Variants in SNRNP35 observed in about 807,000 individuals in gnomAD.
SNRNP35 encodes the protein U11/U12 small nuclear ribonucleoprotein 35 kDa protein.
SNRNP35 carries 16 observed loss-of-function variants against 24.3 expected under a neutral mutation model. The observed-to-expected ratio is 0.66, with a 90% CI of 0.45 to 1.00. SNRNP35 has a LOEUF of 1.00. SNRNP35 is among the 50% of genes least tolerant of loss of function. The probability of loss-of-function intolerance (pLI) is 0.00; values close to 1 mark genes in which losing one functional copy is unlikely to be tolerated. For synonymous variants in SNRNP35, 106 were observed against 124.8 expected (o/e 0.85, Z 1.00); for missense variants, 292 against 327.2 (o/e 0.89, Z 0.83).
At chr12:123,463,473 G>A (rs1393830401) in intron 1 of SNRNP35, among the ~76,000 whole-genome samples, 1 of 151,746 alleles carries the variant, frequency 6.6e-6, no homozygotes, top group Non-Finnish European at 1.5e-5. Flanking sequence ...CGCCTCCTGG[G>A]TTCAAGCAAT....
chr12:123,461,385 C>G (rs1277005931), intron 1 of SNRNP35, among the ~76,000 whole-genome samples: 1 of 151,592 alleles, frequency 6.6e-6, no homozygotes, highest in African/African-American at 2.4e-5. Context: ...CTCGGCCTCC[C>G]AAAGTGCTGG....
At position 123,466,576 on chromosome 12, in the gene SNRNP35, TCTCA is replaced by T. The variant is rs1880996367; in HGVS notation, c.*299_*302del. 4.7e-6 allele frequency: 1 copy of T among 213,604 alleles called. No individual in the cohort carries two copies. Among genetic ancestry groups the T allele is most frequent in the Non-Finnish European group, 9.1e-6 (1 of 109,878 alleles). 13.2% of individuals were successfully genotyped at this position (213,604 alleles called of 1,614,324 possible). A position where few individuals can be genotyped will look rare whatever the true frequency, so the allele number is the denominator to read the frequency against. On this transcript the variant is annotated 3_prime_UTR_variant, in exon 2 of 2. Transcript: ENST00000526639. The stretch of plus-strand genomic sequence containing the variant: ...TCTTTTTTTTTTTTTTGAGACAGAG[TCTCA>T]CTCTGTTGCCAGGGCTGGAGTGCAG...
In SNRNP35 at chr12:123,466,436, G is replaced by T. The variant is rs1459125498; in HGVS notation, c.*155G>T. On this transcript the variant is annotated 3_prime_UTR_variant, in exon 2 of 2. Transcript: ENST00000526639. Reference sequence around the variant, plus strand: ...TTTCCAATCTGGAACTTCGGTTCAAGCTGATAGGAATTTATCATCTTCCTC... The same window carrying T: ...TTTCCAATCTGGAACTTCGGTTCAATCTGATAGGAATTTATCATCTTCCTC... The T allele has an allele frequency of 4.1e-6, 3 of 734,218 alleles. No individual in the cohort carries two copies. The highest frequency in any genetic ancestry group is 1.8e-5 in the African/African-American group (1 of 56,298). The allele number at this position is 734,218 out of a possible 1,614,324, so 45.5% of individuals were successfully genotyped here.
At chr12:123,469,100 C>T (rs1881077598), downstream of SNRNP35, among the ~76,000 whole-genome samples, 1 of 152,202 alleles carries the variant, frequency 6.6e-6, no homozygotes, top group Non-Finnish European at 1.5e-5. Flanking sequence ...AAAAATGTCT[C>T]CAGACTGCCA....
At chr12:123,468,915 T>C (rs1458444018), downstream of SNRNP35, among the ~76,000 whole-genome samples, 1 of 152,182 alleles carries the variant, frequency 6.6e-6, no homozygotes, top group Non-Finnish European at 1.5e-5. Flanking sequence ...TGCAACACTT[T>C]TTGAGAGTAA....
chr12:123,464,508 C>T (rs1029300836), intron 1 of SNRNP35: 3 of 152,262 alleles, frequency 2.0e-5, no homozygotes, highest in Non-Finnish European at 2.9e-5. Context: ...TCCCAAAGTG[C>T]TGGGATTACA....
At chr12:123,458,612 T>G (rs1451650621) in intron 1 of SNRNP35, among the ~76,000 whole-genome samples, 1 of 151,032 alleles carries the variant, frequency 6.6e-6, no homozygotes, top group East Asian at 1.9e-4. Flanking sequence ...TTTTTTTCCT[T>G]TTTGAGACAG....
chr12:123,468,384 A>T (rs574345959), downstream of SNRNP35, among the ~76,000 whole-genome samples: 515 of 150,346 alleles, frequency 3.4e-3, 4 homozygotes, highest in African/African-American at 0.012. Flanking sequence ...AAGAAAAGAA[A>T]AAAAGAAAAC....
rs1301344967 is a variant in SNRNP35 at position 123,466,204 on chromosome 12, G to A, written c.664G>A (p.Asp222Asn). ...QEREPTRVWP[D>N]NDWERERDFR... is the part of the protein sequence containing the mutation. ...AAGAGAGCCGACCAGGGTGTGGCCCGACAATGACTGGGAGAGAGAGAGGGA... is the reference window on the plus strand; with the variant it reads ...AAGAGAGCCGACCAGGGTGTGGCCCAACAATGACTGGGAGAGAGAGAGGGA... The change falls in exon 2 of 2, where the codon GAC becomes AAC. Residue 222 changes from aspartate to asparagine, a missense_variant. Asp to Asn is a conservative substitution (Grantham distance 23, BLOSUM62 1). Coordinates refer to ENST00000526639, the MANE Select transcript of SNRNP35 (RefSeq NM_022717.4). The A allele has an allele frequency of 1.9e-6, 3 of 1,580,744 alleles. No homozygotes were observed. Among genetic ancestry groups the A allele is most frequent in the Non-Finnish European group, 1.7e-6 (2 of 1,166,654 alleles).
chr12:123,468,701 C>CA, downstream of SNRNP35, among the ~76,000 whole-genome samples: 1 of 151,858 alleles, frequency 6.6e-6, no homozygotes, highest in South Asian at 2.1e-4. Context: ...AAACAAAAAA[C>CA]AAAAAACTTG....
chr12:123,463,914 C>G (rs1446420122), intron 1 of SNRNP35, among the ~76,000 whole-genome samples: 2 of 150,108 alleles, frequency 1.3e-5, no homozygotes, highest in African/African-American at 2.5e-5. Context: ...AGGCGCCCAC[C>G]TACCTCGCCT....
At chr12:123,468,358 C>CAA (rs62816460), downstream of SNRNP35, among the ~76,000 whole-genome samples, 24,802 of 91,742 alleles carry the variant, frequency 0.27, 4,431 homozygotes, top group African/African-American at 0.5. Context: ...GACTCTGTCT[C>CAA]AAAAAAAAAA....
rs560859449 is a variant in SNRNP35, at chr12:123,466,347, A to T, written c.*66A>T. 6 of 1,450,498 alleles carry T rather than the reference A, an allele frequency of 4.1e-6. No homozygotes were observed. Among genetic ancestry groups the T allele is most frequent in the Non-Finnish European group, 5.5e-6 (6 of 1,083,110 alleles). The allele number at this position is 1,450,498 out of a possible 1,614,324, so 89.9% of individuals were successfully genotyped here. Reference sequence around the variant, plus strand: ...ATGAGTGGAGGGGGATTGTCTTTCAACGCAGCGTGAGTCTAATGGTTGAAT... The same window carrying T: ...ATGAGTGGAGGGGGATTGTCTTTCATCGCAGCGTGAGTCTAATGGTTGAAT... On this transcript the variant is annotated 3_prime_UTR_variant, in exon 2 of 2. Coordinates refer to ENST00000526639, the MANE Select transcript of SNRNP35 (RefSeq NM_022717.4).
intron 1 of SNRNP35, chr12:123,460,014 T>G: frequency 2.8e-6 from 2 of 711,806 alleles, no homozygotes; most frequent in Admixed American, 2.3e-5. Flanking sequence ...ACAGGAGCTC[T>G]GTGTACAATA....
chr12:123,463,506 T>A (rs1880749596), intron 1 of SNRNP35, among the ~76,000 whole-genome samples: 1 of 151,272 alleles, frequency 6.6e-6, no homozygotes, highest in Non-Finnish European at 1.5e-5. Flanking sequence ...ACCTCCCGAG[T>A]AGCTGCGACT....
chr12:123,467,964 A>G (rs546001841), downstream of SNRNP35, among the ~76,000 whole-genome samples: 1 of 152,316 alleles, frequency 6.6e-6, no homozygotes, highest in Non-Finnish European at 1.5e-5. Context: ...GACTGCCTGC[A>G]TTAGGGAAGC....
At chr12:123,463,512 C>T (rs746528500) in intron 1 of SNRNP35, among the ~76,000 whole-genome samples, 2 of 145,874 alleles carry the variant, frequency 1.4e-5, no homozygotes, top group Admixed American at 1.4e-4. Context: ...CGAGTAGCTG[C>T]GACTACAGGC....
chr12:123,464,553 T>C (rs1166733720), intron 1 of SNRNP35: 1 of 152,240 alleles, frequency 6.6e-6, no homozygotes, highest in Non-Finnish European at 1.5e-5. Flanking sequence ...CAGCCAAGGT[T>C]TTTAAGTAAC....
At chr12:123,472,415 G>A (rs2139298912) in exon 2 of SNRNP35, 1 of 1,004,732 alleles carries the variant, frequency 1.0e-6, no homozygotes, top group Non-Finnish European at 1.4e-6. Context: ...GTCTGTTTGA[G>A]GGGTCAGTTT....
Sources: gnomAD v4.1 joint callset for allele counts (sites outside exome capture counted in the v4.1 genomes callset) on GRCh38, gnomAD v4.1.1 for gene constraint, MANE v1.5 for transcripts, NCBI Gene and HGNC (gene_info 2026-07-23, HGNC 2026-07-21) for gene names.